The following PSMD6 variants were observed in gnomAD, a reference collection of about 807,000 sequenced individuals.
The protein encoded by PSMD6 is 26S proteasome non-ATPase regulatory subunit 6.
A neutral mutation model predicts 44.9 loss-of-function variants in PSMD6; 7 were observed. That is an observed-to-expected ratio of 0.16 (90% CI 0.09 to 0.29). The LOEUF is 0.29. PSMD6 is among the 10% of genes least tolerant of loss of function. PSMD6 has a pLI of 1.00. For missense variants in PSMD6, 420 were observed against 482.6 expected (o/e 0.87, Z 1.21); for synonymous variants, 184 against 172.7 (o/e 1.07, Z -0.51).
Position 64,013,489 on chromosome 3 carries a change from G to A in PSMD6, c.945C>T (p.Thr315=). The change falls in exon 6 of 8, where the codon ACC becomes ACT. Residue 315 remains threonine (T), a synonymous_variant. Transcript: ENST00000295901. Reference sequence around the variant, plus strand: ...CAAACGCTTCTGCCATATAGCCAAGGGTTAATGACCTATATGATTCCAGCA... The same window carrying A: ...CAAACGCTTCTGCCATATAGCCAAGAGTTAATGACCTATATGATTCCAGCA... The part of the protein sequence containing the change: ...SQLLESYRSL[T]LGYMAEAFGV... 6.2e-7 allele frequency: 1 copy of A among 1,610,072 alleles called. No individual in the cohort carries two copies. Among genetic ancestry groups the A allele is most frequent in the Middle Eastern group, 1.7e-4 (1 of 6,050 alleles).
At chr3:64,019,526 G>T in intron 2 of PSMD6, 85 bp from the exon 3 acceptor site, 1 of 1,433,198 alleles carries the variant, frequency 7.0e-7, no homozygotes, top group Non-Finnish European at 9.5e-7. Flanking sequence ...TTCTTCAAAG[G>T]TTGAGGGAAG....
chr3:64,011,815 G>A (rs2280162), intron 6 of PSMD6: 26,317 of 152,234 alleles, frequency 0.17, 2,374 homozygotes, highest in African/African-American at 0.21. Context: ...CTGAAGAGAC[G>A]TAACCTGACC....
At chr3:64,022,934 G>C (rs2076156267) in intron 1 of PSMD6, 2 of 1,441,892 alleles carry the variant, frequency 1.4e-6, no homozygotes, top group Middle Eastern at 2.5e-4. Flanking sequence ...CTCTCCCACA[G>C]GAATACCCCG....
intron 5 of PSMD6, chr3:64,015,359 G>T (rs2076026645): frequency 6.6e-6 from 1 of 152,200 alleles, no homozygotes; most frequent in Non-Finnish European, 1.5e-5. Flanking sequence ...AAGATAAATT[G>T]TTGGAGTGTT....
chr3:64,022,243 G>A, intron 2 of PSMD6, 75 bp downstream of exon 2: 1 of 1,489,106 alleles, frequency 6.7e-7, no homozygotes, highest in South Asian at 1.2e-5. Flanking sequence ...TTTTTTTAAT[G>A]AGAAACGATT....
upstream of PSMD6, chr3:64,023,585 C>A: frequency 7.1e-7 from 1 of 1,411,776 alleles, no homozygotes; most frequent in South Asian, 1.6e-5. Flanking sequence ...ACGCCTCACC[C>A]GGCCTGGGCG....
chr3:64,014,767 A>C (rs1017177001), intron 5 of PSMD6: 1 of 152,258 alleles, frequency 6.6e-6, no homozygotes, highest in Non-Finnish European at 1.5e-5. Context: ...TAAACAGCCA[A>C]GTGAGGACAC....
chr3:64,014,417 T>TTAA (rs1488189333), intron 5 of PSMD6: 3 of 152,058 alleles, frequency 2.0e-5, no homozygotes, highest in African/African-American at 7.2e-5. Flanking sequence ...AAAAGTAACA[T>TTAA]GATAGAGTGA....
intron 6 of PSMD6, chr3:64,011,410 A>AC (rs1331877679): frequency 1.3e-5 from 2 of 152,472 alleles, no homozygotes; most frequent in African/African-American, 4.8e-5. Context: ...TCTTAGTCTA[A>AC]ACAAGTGGAA....
rs763763476 is a variant in PSMD6, at chr3:64,022,256, C to G, written c.351+62G>C. 2.6e-6 allele frequency: 4 copies of G among 1,553,766 alleles called. No homozygotes were observed. In the East Asian group the frequency reaches 6.7e-5, roughly 26 times the overall value. ...AATTTTTTTAATGAGAAACGATTACCTGGAATAGTCTCCAATTTTAGCCTA... is the reference window on the plus strand; with the variant it reads ...AATTTTTTTAATGAGAAACGATTACGTGGAATAGTCTCCAATTTTAGCCTA... On this transcript the variant is annotated intron_variant, in intron 2 of 7. Transcript: ENST00000295901.
At chr3:64,022,600 C>A in intron 1 of PSMD6, 77 bp from the exon 2 acceptor site, 2 of 1,543,586 alleles carry the variant, frequency 1.3e-6, no homozygotes, top group East Asian at 2.4e-5. Context: ...TATTTCACCC[C>A]CCGCCCCGCC....
At chr3:64,017,857 A>C (rs1276458863) in intron 5 of PSMD6, 1 of 152,240 alleles carries the variant, frequency 6.6e-6, no homozygotes, top group Non-Finnish European at 1.5e-5. Context: ...TATCAATGTC[A>C]AATTTTAAGT....
chr3:64,010,851 GC>G, intron 7 of PSMD6, 26 bp downstream of exon 7: 1 of 1,582,504 alleles, frequency 6.3e-7, no homozygotes, highest in East Asian at 2.2e-5. Context: ...ATTTAGGAAT[GC>G]CCCTTATTCT....
At chr3:64,023,591 GGGC>G, upstream of PSMD6, 1 of 1,411,924 alleles carries the variant, frequency 7.1e-7, no homozygotes, top group South Asian at 1.6e-5. Flanking sequence ...CACCCGGCCT[GGGC>G]GCCTGCGCCC....
chr3:64,023,451 C>A lies in PSMD6; in HGVS notation c.-32G>T. On this transcript the variant is annotated 5_prime_UTR_variant, in exon 1 of 8. Transcript: ENST00000295901. ...GAAGGGGACAGCGGCTGACAGGACA[C>A]AACTTGGTTACGACCGGCTGCGGCA... The A allele has an allele frequency of 6.4e-7, 1 of 1,559,776 alleles. No individual in the cohort carries two copies. The highest frequency in any genetic ancestry group is 8.7e-7 in the Non-Finnish European group (1 of 1,146,296).
chr3:64,010,856 T>C (rs753412173), intron 7 of PSMD6, 22 bp downstream of exon 7: 3 of 1,591,502 alleles, frequency 1.9e-6, no homozygotes, highest in Non-Finnish European at 2.6e-6. Flanking sequence ...GGAATGCCCC[T>C]TATTCTGAGA....
At chr3:64,013,394 A>C (rs185135950) in intron 6 of PSMD6, 45 bp downstream of exon 6, 830 of 1,469,342 alleles carry the variant, frequency 5.6e-4, no homozygotes, top group South Asian at 1.4e-3. Flanking sequence ...ATATTTTAAA[A>C]GGCAACTTTA....
At chr3:64,023,151 A>C (rs1432843385) in intron 1 of PSMD6, 124 bp downstream of exon 1, 1 of 1,425,730 alleles carries the variant, frequency 7.0e-7, no homozygotes, top group East Asian at 2.6e-5. Flanking sequence ...CGGAGAAGCC[A>C]GGCCTGGTCT....
At chr3:64,014,958 G>A (rs975523010) in intron 5 of PSMD6, 1 of 152,270 alleles carries the variant, frequency 6.6e-6, no homozygotes, top group Non-Finnish European at 1.5e-5. Flanking sequence ...GGTAGGTCCA[G>A]AGAAAACAAG....
Sources: gnomAD v4.1 joint callset for allele counts on GRCh38, gnomAD v4.1.1 for gene constraint, MANE v1.5 for transcripts, NCBI Gene and HGNC (gene_info 2026-07-23, HGNC 2026-07-21) for gene names.